SHANK2: variants seen among roughly 807,000 people sequenced by gnomAD.
SHANK2 encodes the protein SH3 and multiple ankyrin repeat domains 2, also known as SH3 and multiple ankyrin repeat domains protein 2.
A neutral mutation model predicts 133.7 loss-of-function variants in SHANK2; 43 were observed. The ratio of observed to expected loss-of-function variants is 0.32; its 90% confidence interval spans 0.25 to 0.41. SHANK2 has a LOEUF of 0.41. Ranked by LOEUF, SHANK2 falls within the 10% of genes least tolerant of loss-of-function variation. The pLI, the probability that SHANK2 is intolerant of heterozygous loss-of-function variation, is 1.00. For synonymous variants in SHANK2, 1,017 were observed against 952.8 expected, an observed-to-expected ratio of 1.07 and a Z score of -1.24; for missense variants, 1,994 against 2,235.8, an observed-to-expected ratio of 0.89 and a Z score of 2.18.
chr11:70,807,183 G>T lies in SHANK2; in HGVS notation c.1494-12C>A. The T allele has an allele frequency of 1.4e-6, 1 of 714,316 alleles. No homozygotes were observed. The highest frequency in any genetic ancestry group is 1.5e-5 in the South Asian group (1 of 67,178). 44.2% of individuals were successfully genotyped at this position (714,316 alleles called of 1,614,324 possible). ...GAGCAAAAGGCGACCTGGACCAGGT[G>T]AGAGGGGCAGAGAGAGAGAGAGCAG... is the stretch of plus-strand genomic sequence containing the variant. On this transcript the variant is annotated splice_polypyrimidine_tract_variant and intron_variant, in intron 12 of 25. Coordinates refer to ENST00000601538, the MANE Select transcript of SHANK2 (RefSeq NM_012309.5). The surrounding 1 kb of genome is among the most constrained non-coding windows in gnomAD (Gnocchi z 4.8).
intron 14 of SHANK2, among the ~76,000 whole-genome samples, chr11:70,766,621 C>T (rs540819038): frequency 6.6e-6 from 1 of 152,310 alleles, no homozygotes; most frequent in East Asian, 1.9e-4. Flanking sequence ...GGGGTTTAAT[C>T]AAACAATAGA....
intron 3 of SHANK2, among the ~76,000 whole-genome samples, chr11:71,123,973 G>A (rs1952123590): frequency 6.6e-6 from 1 of 151,936 alleles, no homozygotes; most frequent in African/African-American, 2.4e-5. Context: ...TACAGGGAGG[G>A]GATGATGATG....
rs1281801484 is a variant in SHANK2 at position 70,647,028 on chromosome 11, AT to A, written c.2061+12799del. ...AGGTGTCCGCCACCATGCCCAGCAA[AT>A]TTTTGTATTTTTTTTAGTAGAGATA... is the stretch of plus-strand genomic sequence containing the variant. On this transcript the variant is annotated intron_variant, in intron 17 of 25. Coordinates refer to ENST00000601538, the MANE Select transcript of SHANK2 (RefSeq NM_012309.5). Among the ~76,000 whole-genome samples the A allele has an allele frequency of 1.8e-4, 28 of 151,678 alleles. 1 individual carries two copies. Among genetic ancestry groups the A allele is most frequent in the African/African-American group, 6.5e-4 (27 of 41,330 alleles).
In SHANK2 at chr11:70,543,500, C is replaced by T. The variant is rs1474898688; in HGVS notation, c.2062-40569G>A. 2.6e-5 allele frequency among the ~76,000 whole-genome samples: 4 copies of T among 152,286 alleles called. No homozygotes were observed. In the East Asian group the frequency reaches 5.8e-4, roughly 22 times the overall value. On this transcript the variant is annotated intron_variant, in intron 17 of 25. Transcript: ENST00000601538. ...TCCGTGTAATGAAACTTCCATAAAA[C>T]CCCCAAAAGGACAGGGTTTGGAGGA... is the stretch of plus-strand genomic sequence containing the variant.
chr11:70,764,758 GTCCATCCACTCACACATCCA>G (rs1296046139), intron 14 of SHANK2, among the ~76,000 whole-genome samples: 20 of 148,424 alleles, frequency 1.3e-4, no homozygotes, highest in African/African-American at 4.8e-4. Flanking sequence ...TCACACATCT[GTCCATCCACTCACACATCCA>G]TCCATCCACT....
intron 17 of SHANK2, among the ~76,000 whole-genome samples, chr11:70,615,137 T>C (rs1388412422): frequency 6.6e-6 from 1 of 152,196 alleles, no homozygotes; most frequent in African/African-American, 2.4e-5. Context: ...AGCCTCCCTC[T>C]GAACCAAGAG....
intron 2 of SHANK2, among the ~76,000 whole-genome samples, chr11:71,185,390 T>C (rs1333455154): frequency 6.6e-6 from 1 of 152,252 alleles, no homozygotes; most frequent in East Asian, 1.9e-4. Context: ...TCACTATATA[T>C]GGCTAATCCA....
At chr11:70,761,240 C>T (rs1228612873) in intron 14 of SHANK2, among the ~76,000 whole-genome samples, 1 of 152,054 alleles carries the variant, frequency 6.6e-6, no homozygotes, top group African/African-American at 2.4e-5. Context: ...ATGGTGGGGC[C>T]CCTATGATGG....
rs782333965 is a variant in SHANK2 at position 71,107,221 on chromosome 11, G to A, written c.592+2720C>T. On this transcript the variant is annotated intron_variant, in intron 6 of 25. Coordinates refer to ENST00000601538, the MANE Select transcript of SHANK2 (RefSeq NM_012309.5). ...CGTGGTCACCATCTCCCTGGGTGAC[G>A]CAGGGAAGTGTCCCGTAAGGAAGCA... Among the ~76,000 whole-genome samples, 120 of 152,156 alleles carry A rather than the reference G, an allele frequency of 7.9e-4. 1 individual carries two copies. Among genetic ancestry groups the A allele is most frequent in the African/African-American group, 2.8e-3 (114 of 41,432 alleles).
intron 17 of SHANK2, among the ~76,000 whole-genome samples, chr11:70,612,546 C>A (rs186282053): frequency 4.9e-4 from 75 of 152,324 alleles, no homozygotes; most frequent in African/African-American, 1.7e-3. Context: ...TCTGATGGAA[C>A]TTCATCCCTG....
At chr11:71,124,136 T>C (rs1166013056) in intron 3 of SHANK2, among the ~76,000 whole-genome samples, 1 of 67,372 alleles carries the variant, frequency 1.5e-5, no homozygotes, top group Admixed American at 1.4e-4. Context: ...TGATTGATGG[T>C]GATAATGGTG....
At chr11:71,108,937 G>C (rs930116724) in intron 6 of SHANK2, among the ~76,000 whole-genome samples, 14 of 150,802 alleles carry the variant, frequency 9.3e-5, no homozygotes, top group Admixed American at 2.0e-4. Context: ...CACCCAGCGG[G>C]CCCCCCCCCA....
At position 70,535,781 on chromosome 11, in the gene SHANK2, G is replaced by A. The variant is rs555753686; in HGVS notation, c.2062-32850C>T. 2.4e-4 allele frequency among the ~76,000 whole-genome samples: 36 copies of A among 152,402 alleles called. No homozygotes were observed. The East Asian group carries it at 4.6e-3, about 20-fold the overall frequency. ...GAAGTCCCTGTGCTCCACGGGGCAG[G>A]AGAGGTTCGGGTGGGCCATCCGCTG... On this transcript the variant is annotated intron_variant, in intron 17 of 25. Transcript: ENST00000601538. The surrounding 1 kb of genome is among the most constrained non-coding windows in gnomAD (Gnocchi z 4.3).
chr11:70,484,841 G>A (rs2058778771), intron 25 of SHANK2, among the ~76,000 whole-genome samples: 1 of 152,182 alleles, frequency 6.6e-6, no homozygotes. Context: ...GGTAGTGATG[G>A]GAGGGGAAGA....
chr11:70,834,397 G>A (rs1555059444), intron 11 of SHANK2, among the ~76,000 whole-genome samples: 1 of 152,212 alleles, frequency 6.6e-6, no homozygotes, highest in African/African-American at 2.4e-5. Context: ...GACGGTCTCA[G>A]TGGCCCACCA....
intron 8 of SHANK2, among the ~76,000 whole-genome samples, chr11:71,083,978 T>G (rs1381656254): frequency 1.4e-5 from 1 of 69,358 alleles, no homozygotes; most frequent in Non-Finnish European, 3.4e-5. Flanking sequence ...CAACTTTTTT[T>G]TGGGGGGGGG....
chr11:70,752,303 G>T (rs970336482), intron 14 of SHANK2, among the ~76,000 whole-genome samples: 3 of 151,938 alleles, frequency 2.0e-5, no homozygotes, highest in African/African-American at 7.3e-5. Flanking sequence ...AAAACAAAGG[G>T]ATAGAAAAAG....
intron 14 of SHANK2, among the ~76,000 whole-genome samples, chr11:70,735,094 G>A (rs1292493684): frequency 7.2e-5 from 11 of 152,188 alleles, no homozygotes; most frequent in African/African-American, 2.2e-4. Context: ...GAAGGTGGGC[G>A]AGGCCGTGGC....
intron 14 of SHANK2, among the ~76,000 whole-genome samples, chr11:70,762,352 G>A (rs1565299658): frequency 6.6e-6 from 1 of 152,168 alleles, no homozygotes; most frequent in Non-Finnish European, 1.5e-5. Context: ...GGTACTGTCA[G>A]GCTGTCGGTT....
Sources: gnomAD v4.1 joint callset for allele counts (sites outside exome capture counted in the v4.1 genomes callset) on GRCh38, gnomAD v4.1.1 for gene constraint, Gnocchi (gnomAD v3.1) non-coding constraint, MANE v1.5 for transcripts, NCBI Gene and HGNC (gene_info 2026-07-23, HGNC 2026-07-21) for gene names.